The following EEIG1 variants were observed in gnomAD, a reference collection of about 807,000 sequenced individuals.
The protein encoded by EEIG1 is early estrogen-induced gene 1 protein.
the EEIG1 span, among the ~76,000 whole-genome samples, chr9:127,970,123 T>G: frequency 1.3e-5 from 2 of 152,186 alleles, no homozygotes; most frequent in Non-Finnish European, 2.9e-5. Context: ...CATACACTTT[T>G]TTTTTTTTGA....
the EEIG1 span, among the ~76,000 whole-genome samples, chr9:127,946,873 CT>C: frequency 1.3e-5 from 2 of 152,194 alleles, no homozygotes; most frequent in African/African-American, 4.8e-5. Context: ...CTAACTGATT[CT>C]GTGGGACAAA....
the EEIG1 span, among the ~76,000 whole-genome samples, chr9:127,954,385 G>T: frequency 6.6e-6 from 1 of 152,188 alleles, no homozygotes; most frequent in African/African-American, 2.4e-5. Flanking sequence ...TAGGCAAGCT[G>T]CCCCACACCT....
At chr9:127,980,940 C>T in the EEIG1 span, among the ~76,000 whole-genome samples, 1 of 149,354 alleles carries the variant, frequency 6.7e-6, no homozygotes, top group Non-Finnish European at 1.5e-5. Context: ...CCCCCTGCGG[C>T]CCCGACGCTG....
chr9:127,960,788 A>G, the EEIG1 span, among the ~76,000 whole-genome samples: 1 of 152,104 alleles, frequency 6.6e-6, no homozygotes, highest in Non-Finnish European at 1.5e-5. Context: ...AGCCAGAAAA[A>G]GCCACCTGGA....
the EEIG1 span, chr9:127,941,037 T>C: frequency 3.3e-5 from 5 of 152,222 alleles, no homozygotes; most frequent in African/African-American, 1.2e-4. Context: ...GTCCAGGAGC[T>C]GTGGGCACCT....
At chr9:127,961,830 G>T in the EEIG1 span, among the ~76,000 whole-genome samples, 5 of 148,788 alleles carry the variant, frequency 3.4e-5, no homozygotes, top group South Asian at 1.1e-3. Context: ...AGGCCCCGGG[G>T]TGGGAATGTC....
the EEIG1 span, among the ~76,000 whole-genome samples, chr9:127,956,578 T>C: frequency 6.6e-6 from 1 of 152,018 alleles, no homozygotes; most frequent in African/African-American, 2.4e-5. Flanking sequence ...GCTCGACTAA[T>C]TTTTCTATTT....
At chr9:127,944,957 C>T in the EEIG1 span, 1 of 1,572,184 alleles carries the variant, frequency 6.4e-7, no homozygotes. Context: ...GGTACAAGCA[C>T]AGAACGACGA....
chr9:127,974,470 T>C, the EEIG1 span, among the ~76,000 whole-genome samples: 5 of 152,184 alleles, frequency 3.3e-5, no homozygotes, highest in East Asian at 9.6e-4. Context: ...TATCCCGATC[T>C]CTTTCCTGTC....
At chr9:127,953,501 T>A in the EEIG1 span, 1 of 1,403,682 alleles carries the variant, frequency 7.1e-7, no homozygotes, top group South Asian at 1.2e-5. Flanking sequence ...GAAAAGGGGC[T>A]GGAGGCTTCC....
chr9:127,973,226 A>G, the EEIG1 span, among the ~76,000 whole-genome samples: 3 of 152,168 alleles, frequency 2.0e-5, no homozygotes, highest in Non-Finnish European at 4.4e-5. This position sits in a 1 kb window ranked among gnomAD's most constrained non-coding sequence, Gnocchi z 4.2. Context: ...ACACAGAGTC[A>G]GTCGGCTCCT....
At chr9:127,964,613 G>A in the EEIG1 span, among the ~76,000 whole-genome samples, 1 of 152,216 alleles carries the variant, frequency 6.6e-6, no homozygotes, top group Non-Finnish European at 1.5e-5. Context: ...TATCACTGGG[G>A]CAGTCCAACC....
the EEIG1 span, among the ~76,000 whole-genome samples, chr9:127,952,357 G>A: frequency 2.6e-5 from 4 of 152,334 alleles, no homozygotes; most frequent in East Asian, 1.9e-4. Context: ...TTCCCCTCCC[G>A]GCTGATGAAG....
the EEIG1 span, among the ~76,000 whole-genome samples, chr9:127,955,773 G>A: frequency 6.6e-6 from 1 of 152,206 alleles, no homozygotes; most frequent in Admixed American, 6.5e-5. Context: ...TTTCTATGAG[G>A]AGCCCCCTCC....
the EEIG1 span, among the ~76,000 whole-genome samples, chr9:127,975,561 C>G: frequency 2.0e-5 from 3 of 152,160 alleles, no homozygotes; most frequent in African/African-American, 7.2e-5. Flanking sequence ...GGCCCAAGTC[C>G]ACTCAGCTAC....
the EEIG1 span, among the ~76,000 whole-genome samples, chr9:127,961,314 G>A: frequency 6.6e-6 from 1 of 151,686 alleles, no homozygotes; most frequent in East Asian, 1.9e-4. Context: ...CCATGCATGG[G>A]GCAGGGATCA....
At chr9:127,951,167 C>T in the EEIG1 span, among the ~76,000 whole-genome samples, 1 of 152,036 alleles carries the variant, frequency 6.6e-6, no homozygotes, top group Non-Finnish European at 1.5e-5. Flanking sequence ...TGGATGGAGG[C>T]CAAGTCTGCT....
At chr9:127,974,490 T>G in the EEIG1 span, among the ~76,000 whole-genome samples, 1 of 152,200 alleles carries the variant, frequency 6.6e-6, no homozygotes, top group Non-Finnish European at 1.5e-5. Flanking sequence ...CCAATTCCCC[T>G]CTGCCTTCAA....
At chr9:127,974,931 A>C in the EEIG1 span, among the ~76,000 whole-genome samples, 1 of 152,226 alleles carries the variant, frequency 6.6e-6, no homozygotes. Flanking sequence ...TGCCAATCTA[A>C]GAATCCCATC....
Sources: gnomAD v4.1 joint callset for allele counts (sites outside exome capture counted in the v4.1 genomes callset) on GRCh38, gnomAD v4.1.1 for gene constraint, Gnocchi (gnomAD v3.1) non-coding constraint, MANE v1.5 for transcripts, NCBI Gene and HGNC (gene_info 2026-07-23, HGNC 2026-07-21) for gene names.